The following SLC25A21 variants were observed in gnomAD, a reference collection of about 807,000 sequenced individuals.
The protein encoded by SLC25A21 is mitochondrial 2-oxodicarboxylate carrier.
In SLC25A21, 47 loss-of-function variants were observed where a neutral mutation model predicts 43.8. The ratio of observed to expected loss-of-function variants is 1.07; its 90% CI spans 0.85 to 1.37. The LOEUF (loss-of-function observed/expected upper bound fraction) is 1.37. Among genes scored for constraint, SLC25A21 ranks in the 40% most tolerant of loss-of-function variants. The pLI is 0.00. For missense variants in SLC25A21, 352 were observed against 350.2 expected, an observed-to-expected ratio of 1.00 and a Z score of -0.04; for synonymous variants, 131 against 121.3, an observed-to-expected ratio of 1.08 and a Z score of -0.52.
intron 1 of SLC25A21, among the ~76,000 whole-genome samples, chr14:37,081,029 T>G (rs1445918671): frequency 2.6e-5 from 4 of 152,188 alleles, no homozygotes; most frequent in Non-Finnish European, 4.4e-5. Flanking sequence ...GGCAGGGGGA[T>G]AGTCAAGATG....
At chr14:36,773,223 A>C (rs985591070) in intron 3 of SLC25A21, among the ~76,000 whole-genome samples, 2 of 152,094 alleles carry the variant, frequency 1.3e-5, no homozygotes, top group African/African-American at 4.8e-5. Flanking sequence ...CTGGGTGGCT[A>C]AACAACCATG....
intron 6 of SLC25A21, among the ~76,000 whole-genome samples, chr14:36,722,664 CTTTTTAT>C: frequency 6.6e-6 from 1 of 152,078 alleles, no homozygotes; most frequent in South Asian, 2.1e-4. Flanking sequence ...TCACCTGTTT[CTTTTTAT>C]TTTTTAAATG....
intron 3 of SLC25A21, among the ~76,000 whole-genome samples, chr14:36,776,003 T>C (rs1886806910): frequency 6.6e-6 from 1 of 152,126 alleles, no homozygotes; most frequent in Non-Finnish European, 1.5e-5. Context: ...ATCCTTGCCC[T>C]ACCACTTTCA....
intron 1 of SLC25A21, among the ~76,000 whole-genome samples, chr14:36,991,415 G>A (rs1341193040): frequency 6.6e-6 from 1 of 152,188 alleles, no homozygotes; most frequent in Non-Finnish European, 1.5e-5. Flanking sequence ...GCTGTTGCCT[G>A]GAGAAGGGCA....
chr14:36,997,567 G>A (rs1443101272), intron 1 of SLC25A21, among the ~76,000 whole-genome samples: 1 of 152,152 alleles, frequency 6.6e-6, no homozygotes, highest in African/African-American at 2.4e-5. Context: ...AATGGCTCAT[G>A]CCTGTAATCC....
chr14:37,005,206 GCA>G (rs376479609), intron 1 of SLC25A21, among the ~76,000 whole-genome samples: 26 of 150,532 alleles, frequency 1.7e-4, no homozygotes, highest in South Asian at 1.1e-3. Context: ...ACATGCAAAT[GCA>G]CACACACACA....
chr14:37,099,404 C>T (rs189155128), intron 1 of SLC25A21, among the ~76,000 whole-genome samples: 9 of 152,162 alleles, frequency 5.9e-5, no homozygotes, highest in African/African-American at 2.2e-4. Context: ...GTAATTTGTA[C>T]TTAACACATC....
intron 3 of SLC25A21, among the ~76,000 whole-genome samples, chr14:36,784,022 C>T (rs146782268): frequency 1.5e-4 from 23 of 152,202 alleles, no homozygotes; most frequent in African/African-American, 5.3e-4. Flanking sequence ...AATTTAAGGG[C>T]TTGGACATTC....
intron 1 of SLC25A21, among the ~76,000 whole-genome samples, chr14:36,996,820 A>G (rs1281680596): frequency 1.3e-5 from 2 of 152,186 alleles, no homozygotes; most frequent in Non-Finnish European, 2.9e-5. Context: ...TCCAACAGGA[A>G]TGTGGTGACA....
chr14:36,879,334 A>G (rs1488252750), intron 1 of SLC25A21, among the ~76,000 whole-genome samples: 3 of 152,240 alleles, frequency 2.0e-5, no homozygotes, highest in Non-Finnish European at 4.4e-5. Context: ...ATTTATCACA[A>G]TAACAAGTAA....
chr14:37,130,692 C>A lies in SLC25A21; in HGVS notation c.70+41589G>T, dbSNP rs376923226. Among the ~76,000 whole-genome samples the A allele has an allele frequency of 6.6e-4, 100 of 152,340 alleles. 2 individuals carry two copies. The South Asian group carries it at 0.019, about 30-fold the overall frequency. ...ACACACAGGCCCTGAGACAGACTTA[C>A]AGCCAGAGAAGATCTGGTGGTTTCT... On this transcript the variant is annotated intron_variant, in intron 1 of 9. Transcript: ENST00000331299.
In SLC25A21 at chr14:36,796,702, A is replaced by G. The variant is rs180774355; in HGVS notation, c.203+17216T>C. On this transcript the variant is annotated intron_variant, in intron 3 of 9. Coordinates refer to ENST00000331299, the MANE Select transcript of SLC25A21 (RefSeq NM_030631.4). Reference sequence around the variant, plus strand: ...GACATTTCCAGACCCTGTTTGGTCTATTCACATGTATGACACGCAGCACAC... The same window carrying G: ...GACATTTCCAGACCCTGTTTGGTCTGTTCACATGTATGACACGCAGCACAC... Among the ~76,000 whole-genome samples the G allele has an allele frequency of 1.3e-4, 20 of 152,292 alleles. No homozygotes were observed. The East Asian group carries it at 1.9e-3, about 15-fold the overall frequency.
At chr14:37,006,853 T>A (rs1960615869) in intron 1 of SLC25A21, among the ~76,000 whole-genome samples, 1 of 152,180 alleles carries the variant, frequency 6.6e-6, no homozygotes, top group South Asian at 2.1e-4. Flanking sequence ...AGGGAAACTC[T>A]GTTCTTTTTA....
chr14:36,799,923 T>A (rs1887809615), intron 3 of SLC25A21, among the ~76,000 whole-genome samples: 2 of 152,324 alleles, frequency 1.3e-5, no homozygotes, highest in African/African-American at 4.8e-5. Context: ...TTATTATTCC[T>A]CAAATAACTT....
chr14:37,148,282 G>A (rs113341601), intron 1 of SLC25A21, among the ~76,000 whole-genome samples: 5 of 152,196 alleles, frequency 3.3e-5, no homozygotes, highest in Non-Finnish European at 5.9e-5. Flanking sequence ...AGTAAAAGAT[G>A]TCCTTGAGTT....
At chr14:36,711,252 C>T (rs544110879) in intron 7 of SLC25A21, 66 bp downstream of exon 7, 1 of 1,460,936 alleles carries the variant, frequency 6.8e-7, no homozygotes, top group South Asian at 1.2e-5. Context: ...GATAAACATT[C>T]TACAAACGGA....
intron 1 of SLC25A21, among the ~76,000 whole-genome samples, chr14:36,907,035 T>G (rs776778025): frequency 2.6e-5 from 4 of 152,124 alleles, no homozygotes; most frequent in Admixed American, 6.6e-5. Context: ...GCCAGCTTCA[T>G]AGCATTGTGT....
chr14:36,765,309 T>G (rs563873576), intron 3 of SLC25A21, among the ~76,000 whole-genome samples: 6 of 152,292 alleles, frequency 3.9e-5, no homozygotes, highest in South Asian at 2.1e-4. Context: ...GAGACCACAT[T>G]GGAAGTGATC....
At chr14:37,042,239 C>T (rs1317106261) in intron 1 of SLC25A21, among the ~76,000 whole-genome samples, 1 of 152,158 alleles carries the variant, frequency 6.6e-6, no homozygotes, top group Non-Finnish European at 1.5e-5. Flanking sequence ...AAGCCGAGTT[C>T]AGGACATAGC....
Sources: allele counts gnomAD v4.1 joint callset (sites outside exome capture counted in the v4.1 genomes callset), GRCh38; gene constraint gnomAD v4.1.1; transcripts MANE v1.5; gene names NCBI Gene and HGNC (gene_info 2026-07-23, HGNC 2026-07-21).